Variants in NDUFAF2 observed in about 807,000 individuals in gnomAD.
NDUFAF2 encodes the protein NADH:ubiquinone oxidoreductase complex assembly factor 2.
In NDUFAF2, 13 loss-of-function variants were observed where a neutral mutation model predicts 22.8. The observed-to-expected ratio is 0.57, with a 90% CI of 0.37 to 0.91. The LOEUF is 0.91. NDUFAF2 is among the 40% of genes least tolerant of loss of function. The pLI is 0.01. For missense variants in NDUFAF2, 162 were observed against 195.2 expected, an observed-to-expected ratio of 0.83 and a Z score of 1.01; for synonymous variants, 53 against 64.2, an observed-to-expected ratio of 0.83 and a Z score of 0.84.
Position 61,010,915 on chromosome 5 carries a change from G to A in NDUFAF2, c.128-62210G>A, listed in dbSNP as rs543452175. ...TTTCCCCTTCCCTTTTCTCCTGCTG[G>A]CTAGAATGTGAATGTGCTGGCTGGC... On this transcript the variant is annotated intron_variant, in intron 1 of 3. Coordinates refer to ENST00000296597, the MANE Select transcript of NDUFAF2 (RefSeq NM_174889.5). Among the ~76,000 whole-genome samples the A allele has an allele frequency of 2.6e-5, 4 of 152,118 alleles. No homozygotes were observed. The South Asian group carries it at 8.3e-4, about 32-fold the overall frequency.
chr5:61,142,364 G>T (rs950460993), intron 3 of NDUFAF2, among the ~76,000 whole-genome samples: 2 of 152,094 alleles, frequency 1.3e-5, no homozygotes, highest in African/African-American at 4.8e-5. Context: ...TCTGGCTCAG[G>T]TTCAAAGAAA....
At chr5:60,946,368 G>A (rs1010066579) in intron 1 of NDUFAF2, among the ~76,000 whole-genome samples, 25 of 152,168 alleles carry the variant, frequency 1.6e-4, no homozygotes, top group African/African-American at 5.1e-4. Context: ...CCAAGATTAT[G>A]TGCCATTCAT....
chr5:60,988,507 A>C (rs1287203486), intron 1 of NDUFAF2, among the ~76,000 whole-genome samples: 1 of 152,160 alleles, frequency 6.6e-6, no homozygotes, highest in Non-Finnish European at 1.5e-5. Flanking sequence ...CTGGAGGCAT[A>C]ATGTTACCCG....
intron 3 of NDUFAF2, among the ~76,000 whole-genome samples, chr5:61,136,842 AT>A (rs899573902): frequency 1.2e-4 from 19 of 152,158 alleles, no homozygotes; most frequent in African/African-American, 4.6e-4. Flanking sequence ...TTATCCACCA[AT>A]TTCTCACTAA....
chr5:61,048,745 G>A (rs1449499133), intron 1 of NDUFAF2, among the ~76,000 whole-genome samples: 1 of 152,078 alleles, frequency 6.6e-6, no homozygotes, highest in Non-Finnish European at 1.5e-5. Flanking sequence ...TTTGAGTGAA[G>A]AACCACCATT....
At chr5:61,076,952 A>T (rs1200615341) in intron 2 of NDUFAF2, among the ~76,000 whole-genome samples, 1 of 152,152 alleles carries the variant, frequency 6.6e-6, no homozygotes, top group Non-Finnish European at 1.5e-5. Context: ...AATTACTCTT[A>T]AGCTGTTTTG....
rs768889484 is a variant in NDUFAF2 at position 61,035,424 on chromosome 5, GTTTTTTTTTTT to G, written c.128-37683_128-37673del. 7.3e-3 allele frequency among the ~76,000 whole-genome samples: 297 copies of G among 40,544 alleles called. 2 individuals carry two copies. Among genetic ancestry groups the G allele is most frequent in the African/African-American group, 0.028 (283 of 10,010 alleles). 26.6% of individuals were successfully genotyped at this position (40,544 alleles called of 152,430 possible). Reference sequence around the variant, plus strand: ...GACAACTCTCTTTCTCTCTTGCTCTGTTTTTTTTTTTTTTTTTTTTTTTTTTTTGGTAAAGG... The same window carrying G: ...GACAACTCTCTTTCTCTCTTGCTCTGTTTTTTTTTTTTTTTTTGGTAAAGG... On this transcript the variant is annotated intron_variant, in intron 1 of 3. Transcript: ENST00000296597.
At chr5:61,117,621 G>A (rs1219505853) in intron 3 of NDUFAF2, among the ~76,000 whole-genome samples, 1 of 152,060 alleles carries the variant, frequency 6.6e-6, no homozygotes, top group Non-Finnish European at 1.5e-5. Flanking sequence ...CTCCCATAGT[G>A]CTGGGATTAT....
intron 3 of NDUFAF2, chr5:61,145,934 T>A (rs1428154291): frequency 1.3e-5 from 2 of 152,222 alleles, no homozygotes; most frequent in Non-Finnish European, 2.9e-5. Flanking sequence ...CTCTCAATTG[T>A]CAACTCCATG....
intron 1 of NDUFAF2, among the ~76,000 whole-genome samples, chr5:61,023,863 A>G (rs1435982213): frequency 6.6e-6 from 1 of 152,034 alleles, no homozygotes; most frequent in Admixed American, 6.6e-5. Context: ...ACCTCACATC[A>G]GCTATGGGTA....
intron 1 of NDUFAF2, among the ~76,000 whole-genome samples, chr5:61,012,825 A>T (rs1412484871): frequency 6.6e-6 from 1 of 152,108 alleles, no homozygotes; most frequent in East Asian, 1.9e-4. Context: ...TTTACAAAGA[A>T]ATGGGGCAAA....
rs561474091 is a variant in NDUFAF2 at position 60,973,349 on chromosome 5, T to A, written c.127+27967T>A. Among the ~76,000 whole-genome samples the A allele has an allele frequency of 5.3e-5, 8 of 152,320 alleles. No individual in the cohort carries two copies. The South Asian group carries it at 1.7e-3, about 32-fold the overall frequency. On this transcript the variant is annotated intron_variant, in intron 1 of 3. Coordinates refer to ENST00000296597, the MANE Select transcript of NDUFAF2 (RefSeq NM_174889.5). ...TTTTTTTCTTGAGTTTTTTGTTTGC[T>A]TGCTTGTTTGTTTGTTTAGGAAGCT... is the stretch of plus-strand genomic sequence containing the variant.
chr5:61,084,288 A>T (rs917714590), intron 2 of NDUFAF2, among the ~76,000 whole-genome samples: 1 of 151,102 alleles, frequency 6.6e-6, no homozygotes, highest in African/African-American at 2.4e-5. Context: ...TTTTTAAATT[A>T]TCCTCCCTTT....
chr5:61,002,680 C>G (rs1751312480), intron 1 of NDUFAF2, among the ~76,000 whole-genome samples: 1 of 152,120 alleles, frequency 6.6e-6, no homozygotes, highest in South Asian at 2.1e-4. Context: ...AATATATGCA[C>G]TGTTCAATAA....
intron 3 of NDUFAF2, among the ~76,000 whole-genome samples, chr5:61,139,263 A>G (rs1444733391): frequency 6.6e-6 from 1 of 152,208 alleles, no homozygotes; most frequent in African/African-American, 2.4e-5. Flanking sequence ...CCTTGTGATC[A>G]AAGTGATGAC....
chr5:61,060,535 G>A (rs201572477), intron 1 of NDUFAF2, among the ~76,000 whole-genome samples: 2 of 152,236 alleles, frequency 1.3e-5, no homozygotes, highest in East Asian at 1.9e-4. Context: ...TATAAAAGGA[G>A]AGACATCAGT....
chr5:61,121,551 A>C (rs1275995095), intron 3 of NDUFAF2, among the ~76,000 whole-genome samples: 1 of 152,202 alleles, frequency 6.6e-6, no homozygotes, highest in Non-Finnish European at 1.5e-5. Flanking sequence ...TTGTGGTGTC[A>C]AATGTATTTC....
intron 1 of NDUFAF2, among the ~76,000 whole-genome samples, chr5:61,008,286 A>G (rs289421): frequency 6.6e-6 from 1 of 152,160 alleles, no homozygotes; most frequent in East Asian, 1.9e-4. Flanking sequence ...CATGTACCCT[A>G]AAACTTAAAG....
chr5:61,074,294 A>G (rs889900963), intron 2 of NDUFAF2, among the ~76,000 whole-genome samples: 3 of 152,150 alleles, frequency 2.0e-5, no homozygotes, highest in South Asian at 2.1e-4. Flanking sequence ...TCTACTGAAA[A>G]TATAAAAAAT....
Sources: gnomAD v4.1 joint callset for allele counts (sites outside exome capture counted in the v4.1 genomes callset) on GRCh38, gnomAD v4.1.1 for gene constraint, MANE v1.5 for transcripts, NCBI Gene and HGNC (gene_info 2026-07-23, HGNC 2026-07-21) for gene names.